Variants in NYAP2 observed in about 807,000 individuals in gnomAD.
NYAP2 encodes the protein neuronal tyrosine-phosphorylated phosphoinositide-3-kinase adapter 2.
Under a neutral mutation model 50.4 loss-of-function variants are expected in NYAP2, and 23 were observed. That is an observed-to-expected ratio of 0.46 (90% confidence interval 0.33 to 0.65). The LOEUF (loss-of-function observed/expected upper bound fraction) is 0.65, where lower values mean the gene tolerates loss of function less well. NYAP2 is among the 30% of genes least tolerant of loss of function. The pLI is 0.02. For synonymous variants in NYAP2, 394 were observed against 365.2 expected (o/e 1.08, Z -0.90); for missense variants, 885 against 861.0 (o/e 1.03, Z -0.35).
At chr2:225,601,004 C>T (rs1692681627) in intron 5 of NYAP2, among the ~76,000 whole-genome samples, 1 of 151,984 alleles carries the variant, frequency 6.6e-6, no homozygotes, top group African/African-American at 2.4e-5. Flanking sequence ...TTGAGTAATA[C>T]AAAATATGTG....
chr2:225,665,723 T>C, the NYAP2 span, among the ~76,000 whole-genome samples: 17 of 142,018 alleles, frequency 1.2e-4, no homozygotes, highest in Middle Eastern at 4.1e-3. Flanking sequence ...GTAGGAGAAT[T>C]GCTTGAACCT....
At chr2:225,489,905 GTA>G in intron 3 of NYAP2, among the ~76,000 whole-genome samples, 1 of 152,314 alleles carries the variant, frequency 6.6e-6, no homozygotes, top group African/African-American at 2.4e-5. Flanking sequence ...TGGATCCAAT[GTA>G]TAGCCAAGTT....
chr2:225,547,090 C>T (rs1691598365), intron 4 of NYAP2, among the ~76,000 whole-genome samples: 1 of 152,082 alleles, frequency 6.6e-6, no homozygotes, highest in South Asian at 2.1e-4. Flanking sequence ...TTTACTCTTC[C>T]CTCTCCTCCC....
chr2:225,485,762 G>A lies in NYAP2; in HGVS notation c.222-27609G>A, dbSNP rs1175374462. 3.9e-5 allele frequency among the ~76,000 whole-genome samples: 6 copies of A among 152,104 alleles called. No individual in the cohort carries two copies. In the East Asian group the frequency reaches 1.2e-3, roughly 29 times the overall value. The stretch of plus-strand genomic sequence containing the variant: ...ATTTTCCAAATTGCTCAAATGACTT[G>A]GGCAAAAGAGGAGAGAAGCATGCCA... On this transcript the variant is annotated intron_variant, in intron 3 of 6. Transcript: ENST00000636099.
intron 3 of NYAP2, among the ~76,000 whole-genome samples, chr2:225,433,992 C>A (rs1689325249): frequency 6.6e-6 from 1 of 151,972 alleles, no homozygotes; most frequent in Admixed American, 6.6e-5. Flanking sequence ...AACCAGGGAC[C>A]ACTATATTTT....
At chr2:225,573,124 T>TAAG (rs1692104433) in intron 4 of NYAP2, among the ~76,000 whole-genome samples, 3 of 152,236 alleles carry the variant, frequency 2.0e-5, no homozygotes, top group Admixed American at 2.0e-4. Flanking sequence ...AAAATGATAT[T>TAAG]ATTTTTTCAA....
the NYAP2 span, among the ~76,000 whole-genome samples, chr2:225,659,530 T>C: frequency 1.3e-5 from 2 of 152,118 alleles, no homozygotes; most frequent in African/African-American, 2.4e-5. Context: ...ATCCAAAGTT[T>C]TGTATTTATT....
At chr2:225,637,760 C>T (rs191494113) in intron 6 of NYAP2, among the ~76,000 whole-genome samples, 1 of 152,158 alleles carries the variant, frequency 6.6e-6, no homozygotes, top group East Asian at 1.9e-4. Context: ...ATTTGGATTT[C>T]TCCTGATACT....
At chr2:225,586,995 C>A (rs776771914) in intron 5 of NYAP2, among the ~76,000 whole-genome samples, 17 of 152,100 alleles carry the variant, frequency 1.1e-4, no homozygotes, top group African/African-American at 2.7e-4. Flanking sequence ...AAGCAAAGAC[C>A]TTTTTCACAT....
chr2:225,613,651 T>G (rs1030479875), intron 5 of NYAP2, among the ~76,000 whole-genome samples: 1 of 152,220 alleles, frequency 6.6e-6, no homozygotes, highest in Non-Finnish European at 1.5e-5. Context: ...ACAGTGTTGA[T>G]GCTGCTGCTG....
rs939512527 is a variant in NYAP2 at position 225,582,889 on chromosome 2, C to T, written c.1472C>T (p.Ala491Val). 5 of 1,613,484 alleles carry T rather than the reference C, an allele frequency of 3.1e-6. No homozygotes were observed. Among genetic ancestry groups the T allele is most frequent in the African/African-American group, 2.7e-5 (2 of 74,938 alleles). Residue 491 changes from alanine to valine, a missense_variant, in exon 5 of 7, where the codon GCG becomes GTG. Ala to Val is a moderately conservative substitution (Grantham distance 64). Transcript: ENST00000636099. This position sits in a 1 kb window ranked among gnomAD's most constrained non-coding sequence, Gnocchi z 7.0. Reference sequence around the variant, plus strand: ...GATGGGGCCAAGATGGTCAACGCCGCGGTGAACACCTACGGGGCAGCCCCG... The same window carrying T: ...GATGGGGCCAAGATGGTCAACGCCGTGGTGAACACCTACGGGGCAGCCCCG...
At chr2:225,687,312 T>C in the NYAP2 span, among the ~76,000 whole-genome samples, 1 of 152,112 alleles carries the variant, frequency 6.6e-6, no homozygotes, top group East Asian at 1.9e-4. Flanking sequence ...TAAATCATGG[T>C]TGTTGGTATT....
intron 3 of NYAP2, among the ~76,000 whole-genome samples, chr2:225,411,415 G>A (rs985226283): frequency 1.3e-5 from 2 of 152,070 alleles, no homozygotes; most frequent in African/African-American, 2.4e-5. Flanking sequence ...CGTAACTGAT[G>A]GGGGGGCAGG....
chr2:225,660,172 A>C, the NYAP2 span, among the ~76,000 whole-genome samples: 4 of 152,074 alleles, frequency 2.6e-5, no homozygotes, highest in Non-Finnish European at 5.9e-5. Flanking sequence ...TCACAATTAC[A>C]AAATTAGTTA....
intron 3 of NYAP2, among the ~76,000 whole-genome samples, chr2:225,490,148 C>A (rs1007704028): frequency 6.6e-6 from 1 of 152,106 alleles, no homozygotes; most frequent in Non-Finnish European, 1.5e-5. Context: ...TCATATCTAT[C>A]CAGTTAGAGG....
chr2:225,519,169 T>C (rs1474834552), intron 4 of NYAP2, among the ~76,000 whole-genome samples: 1 of 152,214 alleles, frequency 6.6e-6, no homozygotes, highest in East Asian at 1.9e-4. Context: ...TTTAATAATA[T>C]TGTAATATTA....
intron 5 of NYAP2, among the ~76,000 whole-genome samples, chr2:225,587,857 C>T (rs1025746258): frequency 5.3e-5 from 8 of 151,980 alleles, no homozygotes; most frequent in African/African-American, 1.7e-4. Context: ...CATACTCAAC[C>T]GTATTCTACA....
At chr2:225,522,556 A>G (rs557084643) in intron 4 of NYAP2, among the ~76,000 whole-genome samples, 1 of 152,192 alleles carries the variant, frequency 6.6e-6, no homozygotes, top group Non-Finnish European at 1.5e-5. Context: ...CCTCTTTTTA[A>G]GAATTACCCA....
the NYAP2 span, among the ~76,000 whole-genome samples, chr2:225,686,530 A>G: frequency 2.0e-5 from 3 of 152,262 alleles, no homozygotes; most frequent in Non-Finnish European, 4.4e-5. Context: ...ATATGTATGT[A>G]AGGATTACTG....
Sources: gnomAD v4.1 joint callset for allele counts (sites outside exome capture counted in the v4.1 genomes callset) on GRCh38, gnomAD v4.1.1 for gene constraint, Gnocchi (gnomAD v3.1) non-coding constraint, MANE v1.5 for transcripts, NCBI Gene and HGNC (gene_info 2026-07-23, HGNC 2026-07-21) for gene names.